Variants in PHGDH observed in about 807,000 individuals in gnomAD.
The protein encoded by PHGDH is phosphoglycerate dehydrogenase.
In PHGDH, 50 loss-of-function variants were observed where a neutral mutation model predicts 52.6. That is an observed-to-expected ratio of 0.95 (90% CI 0.76 to 1.20). The LOEUF (loss-of-function observed/expected upper bound fraction) is 1.20. Among genes scored for constraint, PHGDH ranks in the 50% most tolerant of loss-of-function variants. The probability of loss-of-function intolerance (pLI) is 0.00; values close to 1 mark genes in which losing one functional copy is unlikely to be tolerated. For missense variants in PHGDH, 630 were observed against 684.6 expected (o/e 0.92, Z 0.89); for synonymous variants, 271 against 280.5 (o/e 0.97, Z 0.34).
intron 5 of PHGDH, chr1:119,727,395 T>C (rs1651478466): frequency 2.1e-6 from 1 of 467,262 alleles, no homozygotes; most frequent in African/African-American, 2.0e-5. Context: ...CCTGTCTTCT[T>C]AGTTTAAAAG....
At chr1:119,741,207 A>G (rs1317824077) in intron 9 of PHGDH, among the ~76,000 whole-genome samples, 3 of 152,076 alleles carry the variant, frequency 2.0e-5, no homozygotes, top group African/African-American at 7.2e-5. Context: ...ATCTTTCCCC[A>G]TGGACTCTTG....
intron 6 of PHGDH, 110 bp from the exon 7 acceptor site, chr1:119,735,185 G>C (rs1195903823): frequency 5.0e-6 from 7 of 1,414,130 alleles, no homozygotes; most frequent in South Asian, 4.6e-5. Flanking sequence ...CAGCAGGAGA[G>C]AGGCTCTGGG....
chr1:119,743,385 G>T (rs587636654), intron 11 of PHGDH, among the ~76,000 whole-genome samples: 1 of 152,318 alleles, frequency 6.6e-6, no homozygotes, highest in South Asian at 2.1e-4. Context: ...TTGAGTGCAG[G>T]TTTCTTACTC....
Position 119,723,381 on chromosome 1 carries a change from C to A in PHGDH, c.296C>A (p.Pro99His). The A allele has an allele frequency of 1.2e-6, 2 of 1,613,058 alleles. No individual in the cohort carries two copies. The highest frequency in any genetic ancestry group is 1.7e-6 in the Non-Finnish European group (2 of 1,179,110). The change falls in exon 3 of 12, where the codon CCC becomes CAC. Residue 99 changes from proline (P) to histidine (H), a missense_variant. By Grantham distance (77) the Pro-to-His change is moderately conservative. Coordinates refer to ENST00000641023, the MANE Select transcript of PHGDH (RefSeq NM_006623.4). ...TRKGILVMNT[P>H]NGNSLSAAEL... ...CCCTTTTCTTTGATCTTTAGCACCC[C>A]CAATGGGAACAGCCTCAGTGCCGCA...
intron 7 of PHGDH, among the ~76,000 whole-genome samples, chr1:119,735,665 G>A (rs1008847195): frequency 1.3e-5 from 2 of 152,184 alleles, no homozygotes; most frequent in African/African-American, 2.4e-5. Context: ...TGCAAAACTC[G>A]GGCTTTAAAG....
At chr1:119,723,015 A>C (rs1651242166) in intron 2 of PHGDH, among the ~76,000 whole-genome samples, 1 of 152,078 alleles carries the variant, frequency 6.6e-6, no homozygotes, top group Non-Finnish European at 1.5e-5. Context: ...AGCAGCAGGG[A>C]ATTTGTGCTT....
chr1:119,712,493 T>A, intron 1 of PHGDH: 1 of 370,926 alleles, frequency 2.7e-6, no homozygotes, highest in Non-Finnish European at 5.2e-6. Flanking sequence ...CCCCAGCGCC[T>A]TAGCGCGCAA....
intron 2 of PHGDH, among the ~76,000 whole-genome samples, chr1:119,722,282 C>G (rs769568652): frequency 7.9e-5 from 12 of 152,092 alleles, no homozygotes; most frequent in Admixed American, 1.3e-4. Context: ...TCTGAGAGTC[C>G]GTTTATCTTA....
Position 119,737,116 on chromosome 1 carries a change from G to T in PHGDH, c.795G>T (p.Glu265Asp). Reference protein sequence around the residue: ...AGAALDVFTEEPPRDRALVDH... With the variant: ...AGAALDVFTEDPPRDRALVDH... ...TAGAGGTATCTCTTTCTGGGCAGGA[G>T]CCGCCACGGGACCGGGCCTTGGTGG... The change falls in exon 8 of 12, where the codon GAG (glutamate) becomes GAT (aspartate). Residue 265 changes from glutamate (E) to aspartate (D), a missense_variant and splice_region_variant. Physicochemically the swap from Glu to Asp is conservative, Grantham distance 45. Coordinates refer to ENST00000641023, the MANE Select transcript of PHGDH (RefSeq NM_006623.4). 1 of 1,614,062 alleles carries T rather than the reference G, an allele frequency of 6.2e-7. No homozygotes were observed. The highest frequency in any genetic ancestry group is 8.5e-7 in the Non-Finnish European group (1 of 1,179,960).
At chr1:119,735,236 G>A in intron 6 of PHGDH, 59 bp from the exon 7 acceptor site, 3 of 1,610,866 alleles carry the variant, frequency 1.9e-6, no homozygotes, top group Non-Finnish European at 2.5e-6. Context: ...CTGGAAGCCA[G>A]GGATGAGCGT....
At chr1:119,735,202 C>T (rs1651876695) in intron 6 of PHGDH, 93 bp from the exon 7 acceptor site, 1 of 1,536,268 alleles carries the variant, frequency 6.5e-7, no homozygotes, top group African/African-American at 1.4e-5. Context: ...TGGGAAAGAG[C>T]TGGCTCAAGG....
chr1:119,738,490 G>T (rs1652043061), intron 8 of PHGDH, among the ~76,000 whole-genome samples: 1 of 152,192 alleles, frequency 6.6e-6, no homozygotes, highest in Non-Finnish European at 1.5e-5. Flanking sequence ...ATGCTGTGTG[G>T]GCTCCTCAGG....
In PHGDH at chr1:119,721,174, G is replaced by A. The variant is rs370979212; in HGVS notation, c.143G>A (p.Cys48Tyr). ...KEELIAELQDCEGLIVRSATK... is the reference protein window; with the variant it reads ...KEELIAELQDYEGLIVRSATK... ...CAAATGTTTTTTCTGCTTCAGGACT[G>A]TGAAGGCCTTATTGTTCGCTCTGCC... The change falls in exon 2 of 12, where the codon TGT becomes TAT. Residue 48 changes from cysteine to tyrosine, a missense_variant. Coordinates refer to ENST00000641023, the MANE Select transcript of PHGDH (RefSeq NM_006623.4). 6 of 1,614,010 alleles carry A rather than the reference G, an allele frequency of 3.7e-6. No homozygotes were observed. In the African/African-American group the frequency reaches 8.0e-5, roughly 22 times the overall value.
At chr1:119,713,386 T>C (rs1650790403) in intron 1 of PHGDH, 1 of 152,344 alleles carries the variant, frequency 6.6e-6, no homozygotes, top group Non-Finnish European at 1.5e-5. Flanking sequence ...CTTGTCACCA[T>C]GGCATGACAC....
At chr1:119,720,846 G>C (rs1651115976) in intron 1 of PHGDH, 2 of 387,476 alleles carry the variant, frequency 5.2e-6, no homozygotes, top group Non-Finnish European at 9.8e-6. Context: ...GGACATCCAG[G>C]CTGCAGGCAT....
chr1:119,713,325 C>G (rs1650787820), intron 1 of PHGDH: 1 of 152,470 alleles, frequency 6.6e-6, no homozygotes, highest in African/African-American at 2.4e-5. Context: ...CCACGTGGTC[C>G]TGGAAACTGC....
rs1371642779 is a variant in PHGDH, at chr1:119,712,143, C to G, written c.121C>G (p.Leu41Val). 6.2e-7 allele frequency: 1 copy of G among 1,613,898 alleles called. No homozygotes were observed. The highest frequency in any genetic ancestry group is 1.3e-5 in the African/African-American group (1 of 74,922). Residue 41 changes from leucine to valine, a missense_variant, in exon 1 of 12, where the codon CTG (leucine) becomes GTG (valine). Leu to Val is a conservative substitution (Grantham distance 32, BLOSUM62 1). Transcript: ENST00000641023. ...AAAGCAGAACCTTAGCAAAGAGGAG[C>G]TGATAGCGGAGCTGCAGGTAAGGCG... is the stretch of plus-strand genomic sequence containing the variant. ...VEKQNLSKEE[L>V]IAELQDCEGL...
chr1:119,717,575 G>A (rs1650989240), intron 1 of PHGDH, among the ~76,000 whole-genome samples: 2 of 152,172 alleles, frequency 1.3e-5, no homozygotes, highest in Middle Eastern at 3.4e-3. Context: ...AAGTGAGGTA[G>A]CAATCTATTA....
chr1:119,737,781 T>C (rs587682265), intron 8 of PHGDH, among the ~76,000 whole-genome samples: 1 of 152,316 alleles, frequency 6.6e-6, no homozygotes, highest in African/African-American at 2.4e-5. Flanking sequence ...CCCCACTTCT[T>C]GTCTTTGCTT....
Sources: gnomAD v4.1 joint callset for allele counts (sites outside exome capture counted in the v4.1 genomes callset) on GRCh38, gnomAD v4.1.1 for gene constraint, MANE v1.5 for transcripts, NCBI Gene and HGNC (gene_info 2026-07-23, HGNC 2026-07-21) for gene names.